AASDH: variants seen among roughly 807,000 people sequenced by gnomAD.
AASDH encodes the protein beta-alanine-activating enzyme.
A neutral mutation model predicts 102.3 loss-of-function variants in AASDH; 81 were observed. The ratio of observed to expected loss-of-function variants is 0.79; its 90% CI spans 0.66 to 0.95. AASDH has a LOEUF of 0.95. AASDH is among the 40% of genes least tolerant of loss of function. AASDH has a pLI of 0.00. For synonymous variants in AASDH, 398 were observed against 454.0 expected, an observed-to-expected ratio of 0.88 and a Z score of 1.57; for missense variants, 1,203 against 1,266.2, an observed-to-expected ratio of 0.95 and a Z score of 0.76.
chr4:56,369,151 T>C (rs1367005870), intron 5 of AASDH, among the ~76,000 whole-genome samples: 1 of 152,176 alleles, frequency 6.6e-6, no homozygotes, highest in Non-Finnish European at 1.5e-5. Flanking sequence ...TTCTATCAGT[T>C]TCTCAGAAAA....
intron 5 of AASDH, among the ~76,000 whole-genome samples, chr4:56,365,344 G>A (rs1218861761): frequency 6.6e-6 from 1 of 151,316 alleles, no homozygotes; most frequent in Non-Finnish European, 1.5e-5. Context: ...TCCAGGAATT[G>A]AACTCAGCTC....
At chr4:56,363,204 G>A (rs1438063932) in intron 5 of AASDH, among the ~76,000 whole-genome samples, 1 of 152,212 alleles carries the variant, frequency 6.6e-6, no homozygotes, top group Non-Finnish European at 1.5e-5. Flanking sequence ...CGAGGCTTGA[G>A]TAGGTAAACA....
intron 5 of AASDH, among the ~76,000 whole-genome samples, chr4:56,360,584 T>C (rs1332561557): frequency 6.6e-6 from 1 of 152,242 alleles, no homozygotes; most frequent in Non-Finnish European, 1.5e-5. Flanking sequence ...GATTGCTATA[T>C]GTCTTTGGTT....
chr4:56,338,829 C>CTAAT, intron 14 of AASDH, 38 bp from the exon 15 acceptor site: 1 of 1,565,878 alleles, frequency 6.4e-7, no homozygotes, highest in East Asian at 2.3e-5. Flanking sequence ...ATTCATTCAT[C>CTAAT]TAATTGCTCC....
At chr4:56,341,731 G>T (rs141059428) in intron 14 of AASDH, among the ~76,000 whole-genome samples, 86 of 151,976 alleles carry the variant, frequency 5.7e-4, no homozygotes, top group Middle Eastern at 3.4e-3. Context: ...GTGAAATTAA[G>T]CCAGGCCCAA....
chr4:56,354,780 G>A lies in AASDH; in HGVS notation c.1135C>T (p.Leu379Phe), dbSNP rs756094218. ...CTGACTTCAACTACTGTTCCAAGAA[G>A]TGGAAATCCCAGTTGTACAGGCAAT... The part of the protein sequence containing the change: ...CELPVQLGFP[L>F]LGTVVEVRDT... The change falls in exon 7 of 15, where the codon CTT becomes TTT. Residue 379 changes from leucine to phenylalanine, a missense_variant. Leu to Phe is a conservative substitution (Grantham distance 22). Coordinates refer to ENST00000205214, the MANE Select transcript of AASDH (RefSeq NM_181806.4). 5 of 1,610,354 alleles carry A rather than the reference G, an allele frequency of 3.1e-6. No homozygotes were observed. The highest frequency in any genetic ancestry group is 4.2e-6 in the Non-Finnish European group (5 of 1,178,508).
At position 56,338,436 on chromosome 4, in the gene AASDH, T is replaced by TAAAC; in HGVS notation, c.3259_3262dup (p.Tyr1088CysfsTer?). 1 of 1,613,770 alleles carries TAAAC rather than the reference T, an allele frequency of 6.2e-7. No homozygotes were observed. Among genetic ancestry groups the TAAAC allele is most frequent in the Non-Finnish European group, 8.5e-7 (1 of 1,179,894 alleles). Reference sequence around the variant, plus strand: ...ATTGCCACCCAATAAATCCAGACAATAAACATAATTATCTCTACACCCAAT... The same window carrying TAAAC: ...ATTGCCACCCAATAAATCCAGACAATAAACAAACATAATTATCTCTACACCCAAT... On this transcript the variant is annotated frameshift_variant, in exon 15 of 15. Transcript: ENST00000205214. LOFTEE classifies it high-confidence loss of function.
In AASDH at chr4:56,349,826, C is replaced by A; in HGVS notation, c.1925G>T (p.Cys642Phe). ...PDEDVTFRKSCATKRKLSDIN... is the reference protein window; with the variant it reads ...PDEDVTFRKSFATKRKLSDIN... ...GTCGCTGAGTTTCCTTTTTGTGGCA[C>A]AACTCTTCCTGAATGTCACATCTTC... The change falls in exon 11 of 15, where the codon TGT (cysteine) becomes TTT (phenylalanine). Residue 642 changes from cysteine to phenylalanine, a missense_variant. By Grantham distance (205) the Cys-to-Phe change is radical. Coordinates refer to ENST00000205214, the MANE Select transcript of AASDH (RefSeq NM_181806.4). 1.2e-5 allele frequency: 20 copies of A among 1,614,140 alleles called. No homozygotes were observed. The highest frequency in any genetic ancestry group is 1.7e-5 in the Non-Finnish European group (20 of 1,180,014).
At chr4:56,356,415 C>T in intron 5 of AASDH, 1 of 1,589,328 alleles carries the variant, frequency 6.3e-7, no homozygotes, top group Non-Finnish European at 8.6e-7. Flanking sequence ...AGCTACTCAG[C>T]TGCTTAAGCT....
chr4:56,356,794 A>G (rs949290315), intron 5 of AASDH: 1 of 743,696 alleles, frequency 1.3e-6, no homozygotes, highest in East Asian at 2.6e-5. Flanking sequence ...AGTGGAAGCT[A>G]TTAGGACCAA....
At chr4:56,356,563 A>G in intron 5 of AASDH, 1 of 767,422 alleles carries the variant, frequency 1.3e-6, no homozygotes, top group East Asian at 2.5e-5. Flanking sequence ...AACACCATCA[A>G]CACCTTGGTG....
At chr4:56,376,177 C>T (rs965117612) in intron 4 of AASDH, among the ~76,000 whole-genome samples, 2 of 151,998 alleles carry the variant, frequency 1.3e-5, no homozygotes, top group African/African-American at 4.8e-5. Context: ...GCACAGACCA[C>T]CAGGCCCAGC....
chr4:56,351,681 C>A (rs1749026689), intron 9 of AASDH, among the ~76,000 whole-genome samples: 1 of 151,972 alleles, frequency 6.6e-6, no homozygotes, highest in African/African-American at 2.4e-5. Context: ...CCTGTAACCC[C>A]AACACTTTGG....
chr4:56,341,780 C>T (rs1362289422), intron 14 of AASDH, among the ~76,000 whole-genome samples: 1 of 151,798 alleles, frequency 6.6e-6, no homozygotes, highest in African/African-American at 2.4e-5. Flanking sequence ...TATGTGAGAG[C>T]TAAAAAAGTT....
chr4:56,338,805 TAAAA>T lies in AASDH; in HGVS notation c.2908-18_2908-15del. 1 of 1,604,558 alleles carries T rather than the reference TAAAA, an allele frequency of 6.2e-7. No individual in the cohort carries two copies. Among genetic ancestry groups the T allele is most frequent in the Non-Finnish European group, 8.5e-7 (1 of 1,175,064 alleles). On this transcript the variant is annotated splice_polypyrimidine_tract_variant and intron_variant, in intron 14 of 14. Transcript: ENST00000205214. Reference sequence around the variant, plus strand: ...GAACTGCCAAACCTATAACAAGTAATAAAAATAAATATAATTCATTCATCTAATT... The same window carrying T: ...GAACTGCCAAACCTATAACAAGTAATATAAATATAATTCATTCATCTAATT...
rs773988946 is a variant in AASDH at position 56,378,202 on chromosome 4, G to A, written c.614C>T (p.Pro205Leu). Residue 205 changes from proline (P) to leucine (L), a missense_variant, in exon 4 of 15, where the codon CCG becomes CTG. Coordinates refer to ENST00000205214, the MANE Select transcript of AASDH (RefSeq NM_181806.4). ...CTTATGAGGCACTCTGACAATCTTC[G>A]GTATCCCTGTAGTCCCTGATGTATG... ...VLHTSGTTGI[P>L]KIVRVPHKCI... 27 of 1,613,260 alleles carry A rather than the reference G, an allele frequency of 1.7e-5. No homozygotes were observed. Among genetic ancestry groups the A allele is most frequent in the South Asian group, 3.3e-5 (3 of 90,844 alleles).
chr4:56,341,559 ATT>A (rs543126027), intron 14 of AASDH, among the ~76,000 whole-genome samples: 10 of 134,094 alleles, frequency 7.5e-5, no homozygotes, highest in South Asian at 2.5e-4. Context: ...CACCCAGCTA[ATT>A]TTTTTTTTTT....
At chr4:56,345,411 C>T (rs1391535355) in intron 11 of AASDH, 121 bp from the exon 12 acceptor site, 5 of 900,592 alleles carry the variant, frequency 5.6e-6, no homozygotes, top group Non-Finnish European at 8.1e-6. Context: ...ATGATAAGCT[C>T]ATCTGGCTTA....
Position 56,338,622 on chromosome 4 carries a change from GC to G in AASDH, c.3076del (p.Ala1026LeufsTer82). 2 of 1,614,184 alleles carry G rather than the reference GC, an allele frequency of 1.2e-6. No individual in the cohort carries two copies. The highest frequency in any genetic ancestry group is 1.7e-6 in the Non-Finnish European group (2 of 1,180,022). ...ATTGCTGCCATTGTAGTTATGGAAA[GC>G]AAACGGTGTTGCATAGACCCTTGAA... ...TTSRVYATPF[A>X]FHNYNGSNEM... On this transcript the variant is annotated frameshift_variant, in exon 15 of 15. Transcript: ENST00000205214. LOFTEE classifies it high-confidence loss of function.
Sources: allele counts gnomAD v4.1 joint callset (sites outside exome capture counted in the v4.1 genomes callset), GRCh38; gene constraint gnomAD v4.1.1; transcripts MANE v1.5; gene names NCBI Gene and HGNC (gene_info 2026-07-23, HGNC 2026-07-21).